Variants in LRRTM4 observed in about 807,000 individuals in gnomAD.
LRRTM4 encodes leucine rich repeat transmembrane neuronal 4.
A neutral mutation model predicts 47.6 loss-of-function variants in LRRTM4; 25 were observed. That is an observed-to-expected ratio of 0.53 (90% confidence interval 0.38 to 0.73). The LOEUF (loss-of-function observed/expected upper bound fraction) is 0.73. LRRTM4 is among the 30% of genes least tolerant of loss of function. LRRTM4 has a pLI of 0.00. For synonymous variants in LRRTM4, 311 were observed against 269.5 expected (o/e 1.15, Z -1.51); for missense variants, 638 against 713.4 (o/e 0.89, Z 1.20).
chr2:77,128,001 G>A (rs146152124), intron 3 of LRRTM4, among the ~76,000 whole-genome samples: 2 of 152,090 alleles, frequency 1.3e-5, no homozygotes, highest in Non-Finnish European at 2.9e-5. Flanking sequence ...AAATTTGCCA[G>A]GCGTAGTGGC....
At chr2:77,090,690 T>C (rs1432196484) in intron 3 of LRRTM4, among the ~76,000 whole-genome samples, 10 of 152,130 alleles carry the variant, frequency 6.6e-5, no homozygotes, top group South Asian at 6.2e-4. Flanking sequence ...AAGGAATGTC[T>C]GCAGCCCAGG....
chr2:77,369,336 TA>T (rs796443003), intron 3 of LRRTM4, among the ~76,000 whole-genome samples: 83 of 148,020 alleles, frequency 5.6e-4, no homozygotes, highest in East Asian at 1.4e-3. Context: ...CATGGGATCT[TA>T]AAAAAAAAAC....
chr2:77,285,357 T>TATATATATATATATATATATATAC (rs1225916450), intron 3 of LRRTM4, among the ~76,000 whole-genome samples: 5 of 143,114 alleles, frequency 3.5e-5, no homozygotes, highest in Non-Finnish European at 7.6e-5. Context: ...TATATATATA[T>TATATATATATATATATATATATAC]ATATATGGCC....
chr2:77,090,007 G>C (rs551893421), intron 3 of LRRTM4, among the ~76,000 whole-genome samples: 44 of 152,092 alleles, frequency 2.9e-4, no homozygotes, highest in South Asian at 4.2e-4. Context: ...CTGAGTCTTT[G>C]TTATCTTCCT....
chr2:77,258,860 T>C (rs1481910041), intron 3 of LRRTM4, among the ~76,000 whole-genome samples: 1 of 151,776 alleles, frequency 6.6e-6, no homozygotes, highest in Non-Finnish European at 1.5e-5. Flanking sequence ...TAGAATAATA[T>C]AAGAGTGATA....
chr2:76,826,216 C>A (rs1573174429), intron 3 of LRRTM4, among the ~76,000 whole-genome samples: 1 of 151,480 alleles, frequency 6.6e-6, no homozygotes, highest in Non-Finnish European at 1.5e-5. Context: ...TTATCAAATA[C>A]AATTTTTAAT....
chr2:76,838,337 A>G (rs538504959), intron 3 of LRRTM4, among the ~76,000 whole-genome samples: 1 of 152,158 alleles, frequency 6.6e-6, no homozygotes, highest in East Asian at 1.9e-4. Flanking sequence ...TCCTACTTCT[A>G]AAACTATAAT....
intron 3 of LRRTM4, among the ~76,000 whole-genome samples, chr2:77,282,769 G>A (rs1676542769): frequency 6.6e-6 from 1 of 151,986 alleles, no homozygotes; most frequent in African/African-American, 2.4e-5. Flanking sequence ...AATAAATGGT[G>A]TTGAGATAGC....
intron 3 of LRRTM4, among the ~76,000 whole-genome samples, chr2:76,944,466 C>T (rs1675256849): frequency 6.6e-6 from 1 of 152,040 alleles, no homozygotes; most frequent in African/African-American, 2.4e-5. Context: ...AGCTGTGTTT[C>T]CAGTGATTTC....
intron 3 of LRRTM4, among the ~76,000 whole-genome samples, chr2:77,112,404 T>C (rs933616214): frequency 7.9e-5 from 12 of 152,180 alleles, no homozygotes; most frequent in African/African-American, 2.9e-4. Flanking sequence ...CTTATTACCC[T>C]ATTTCTTTAA....
At chr2:77,081,265 C>T (rs1011726361) in intron 3 of LRRTM4, among the ~76,000 whole-genome samples, 8 of 148,664 alleles carry the variant, frequency 5.4e-5, no homozygotes, top group Non-Finnish European at 5.9e-5. Flanking sequence ...CACACACACA[C>T]ACACACACAC....
intron 3 of LRRTM4, among the ~76,000 whole-genome samples, chr2:76,895,350 A>G (rs1348354668): frequency 6.6e-6 from 1 of 152,034 alleles, no homozygotes; most frequent in Non-Finnish European, 1.5e-5. Context: ...GAGAACGAAA[A>G]TTTAGTAATT....
At chr2:77,258,969 T>C (rs1675843366) in intron 3 of LRRTM4, among the ~76,000 whole-genome samples, 2 of 152,090 alleles carry the variant, frequency 1.3e-5, no homozygotes, top group African/African-American at 4.8e-5. Context: ...GAAGGAGGCC[T>C]GAAGGAGCAG....
chr2:76,804,485 A>G lies in LRRTM4; in HGVS notation c.1552-55569T>C, dbSNP rs150987756. ...TAAATAAGTTATGACACATCTAAGT[A>G]TCAGCCATATTCTGTCCTGATTTTT... On this transcript the variant is annotated intron_variant, in intron 3 of 3. Transcript: ENST00000409884. Among the ~76,000 whole-genome samples, 391 of 152,000 alleles carry G rather than the reference A, an allele frequency of 2.6e-3. 2 individuals carry two copies. The highest frequency in any genetic ancestry group is 9.0e-3 in the African/African-American group (375 of 41,494).
intron 3 of LRRTM4, among the ~76,000 whole-genome samples, chr2:77,483,115 T>A (rs1248894348): frequency 2.3e-5 from 1 of 44,298 alleles, no homozygotes; most frequent in African/African-American, 1.0e-4. Context: ...AGCAAGACTG[T>A]CTCAAAAAAA....
intron 3 of LRRTM4, among the ~76,000 whole-genome samples, chr2:77,288,762 A>G (rs1009435957): frequency 6.6e-6 from 1 of 152,080 alleles, no homozygotes; most frequent in African/African-American, 2.4e-5. Flanking sequence ...GATATGTTCA[A>G]ACTCATCCTG....
At chr2:77,300,663 T>G (rs1397976242) in intron 3 of LRRTM4, among the ~76,000 whole-genome samples, 1 of 152,192 alleles carries the variant, frequency 6.6e-6, no homozygotes, top group African/African-American at 2.4e-5. Context: ...CATATCTTCA[T>G]GTATTGATTA....
chr2:77,011,513 G>A (rs940877632), intron 3 of LRRTM4, among the ~76,000 whole-genome samples: 3 of 149,106 alleles, frequency 2.0e-5, no homozygotes, highest in Non-Finnish European at 4.4e-5. Flanking sequence ...CACCAGACTG[G>A]CAACTAGGAA....
chr2:77,430,080 A>C (rs1160908637), intron 3 of LRRTM4, among the ~76,000 whole-genome samples: 2 of 152,090 alleles, frequency 1.3e-5, no homozygotes. Flanking sequence ...AAAAAAAAAA[A>C]TCTGTTTTAA....
Sources: gnomAD v4.1 joint callset for allele counts (sites outside exome capture counted in the v4.1 genomes callset) on GRCh38, gnomAD v4.1.1 for gene constraint, MANE v1.5 for transcripts, NCBI Gene and HGNC (gene_info 2026-07-23, HGNC 2026-07-21) for gene names.